The following PPP1R9A variants were observed in gnomAD, a reference collection of about 807,000 sequenced individuals.
PPP1R9A encodes the protein protein phosphatase 1 regulatory subunit 9A.
A neutral mutation model predicts 141.9 loss-of-function variants in PPP1R9A; 59 were observed. That is an observed-to-expected ratio of 0.42 (90% CI 0.34 to 0.52). PPP1R9A has a LOEUF of 0.52. Ranked by LOEUF, PPP1R9A falls within the 20% of genes least tolerant of loss-of-function variation. The pLI is 0.10. For missense variants in PPP1R9A, 1,444 were observed against 1,611.9 expected, an observed-to-expected ratio of 0.90 and a Z score of 1.78; for synonymous variants, 500 against 569.7, an observed-to-expected ratio of 0.88 and a Z score of 1.74.
At chr7:95,053,816 C>G (rs1417009706) in intron 2 of PPP1R9A, among the ~76,000 whole-genome samples, 1 of 152,118 alleles carries the variant, frequency 6.6e-6, no homozygotes, top group East Asian at 1.9e-4. Context: ...GGGCAGTAGG[C>G]AGTAGCTTGG....
intron 15 of PPP1R9A, 40 bp downstream of exon 15, chr7:95,274,026 A>G: frequency 1.3e-6 from 2 of 1,496,260 alleles, no homozygotes; most frequent in Non-Finnish European, 1.8e-6. Flanking sequence ...CCTCTGTAAA[A>G]GGAGGATTGA....
intron 2 of PPP1R9A, among the ~76,000 whole-genome samples, chr7:95,051,894 C>T (rs1322863244): frequency 6.7e-6 from 1 of 148,590 alleles, no homozygotes; most frequent in Non-Finnish European, 1.5e-5. Flanking sequence ...GGCTGCAGTG[C>T]AGTGGTGTGA....
At chr7:94,977,137 G>T (rs1385283752) in intron 2 of PPP1R9A, among the ~76,000 whole-genome samples, 1 of 152,128 alleles carries the variant, frequency 6.6e-6, no homozygotes, top group African/African-American at 2.4e-5. Context: ...CAAGGATATG[G>T]TTTTTACATA....
intron 7 of PPP1R9A, among the ~76,000 whole-genome samples, chr7:95,212,109 A>T (rs1309949356): frequency 2.0e-5 from 3 of 152,212 alleles, no homozygotes; most frequent in African/African-American, 7.2e-5. Flanking sequence ...ATATATTTAA[A>T]TGTATTTAAA....
rs145620825 is a variant in PPP1R9A at position 95,089,413 on chromosome 7, T to C, written c.1396-21846T>C. Reference sequence around the variant, plus strand: ...AGGTAGATATATCAAGAATACTCTGTATCTGGAATTTTTTTCTAACATAAG... The same window carrying C: ...AGGTAGATATATCAAGAATACTCTGCATCTGGAATTTTTTTCTAACATAAG... On this transcript the variant is annotated intron_variant, in intron 2 of 19. Coordinates refer to ENST00000433360, the MANE Select transcript of PPP1R9A (RefSeq NM_001166160.2). Among the ~76,000 whole-genome samples, 900 of 152,182 alleles carry C rather than the reference T, an allele frequency of 5.9e-3. 30 individuals are homozygous for C. Among genetic ancestry groups the C allele is most frequent in the East Asian group, 0.037 (194 of 5,184 alleles).
intron 2 of PPP1R9A, among the ~76,000 whole-genome samples, chr7:95,069,612 C>T (rs1043844792): frequency 3.3e-5 from 5 of 151,996 alleles, no homozygotes; most frequent in Non-Finnish European, 5.9e-5. Context: ...TTACTTGCTC[C>T]CCAGTCAGCT....
At chr7:95,238,693 CT>C (rs1240806894) in intron 8 of PPP1R9A, among the ~76,000 whole-genome samples, 1 of 152,182 alleles carries the variant, frequency 6.6e-6, no homozygotes, top group Non-Finnish European at 1.5e-5. Flanking sequence ...TGCACTGGCA[CT>C]TTCCCCCTCC....
chr7:95,169,129 A>G (rs1420798548), intron 5 of PPP1R9A, among the ~76,000 whole-genome samples: 1 of 152,110 alleles, frequency 6.6e-6, no homozygotes, highest in East Asian at 1.9e-4. Flanking sequence ...ATATGGAATC[A>G]ACCTACCTAA....
chr7:95,207,027 T>C (rs1383850618), intron 7 of PPP1R9A, among the ~76,000 whole-genome samples: 4 of 151,826 alleles, frequency 2.6e-5, no homozygotes, highest in Admixed American at 6.6e-5. Flanking sequence ...CAAATTATGA[T>C]CACAAGTAGC....
chr7:95,207,988 C>A (rs773940015), intron 7 of PPP1R9A, among the ~76,000 whole-genome samples: 2 of 152,088 alleles, frequency 1.3e-5, no homozygotes, highest in Non-Finnish European at 2.9e-5. Flanking sequence ...TTGGAAGATT[C>A]AGTAACTGTT....
intron 2 of PPP1R9A, among the ~76,000 whole-genome samples, chr7:94,915,942 T>G (rs1167129042): frequency 2.0e-5 from 3 of 152,244 alleles, no homozygotes; most frequent in African/African-American, 7.2e-5. Context: ...ATGACTGATA[T>G]GGAAGTAATG....
chr7:94,944,242 C>G (rs1795643106), intron 2 of PPP1R9A, among the ~76,000 whole-genome samples: 1 of 151,998 alleles, frequency 6.6e-6, no homozygotes, highest in African/African-American at 2.4e-5. Flanking sequence ...TGTCTGATGA[C>G]ACTTCCTCAT....
chr7:95,043,794 T>C (rs1012045724), intron 2 of PPP1R9A, among the ~76,000 whole-genome samples: 5 of 152,204 alleles, frequency 3.3e-5, no homozygotes, highest in African/African-American at 1.2e-4. Context: ...AATTCTAACA[T>C]CAAATTCCTC....
chr7:95,267,991 G>C (rs1394821339), intron 12 of PPP1R9A, among the ~76,000 whole-genome samples: 1 of 152,028 alleles, frequency 6.6e-6, no homozygotes, highest in African/African-American at 2.4e-5. Context: ...TCTTTCTACA[G>C]GTTTCAAAAA....
chr7:95,031,400 A>G (rs1807664928), intron 2 of PPP1R9A, among the ~76,000 whole-genome samples: 1 of 152,164 alleles, frequency 6.6e-6, no homozygotes, highest in South Asian at 2.1e-4. Flanking sequence ...TAAAGTGATA[A>G]TTTTAATTTA....
chr7:95,102,403 A>G (rs923022037), intron 2 of PPP1R9A, among the ~76,000 whole-genome samples: 10 of 152,198 alleles, frequency 6.6e-5, no homozygotes, highest in African/African-American at 2.2e-4. Context: ...ACACATAGTG[A>G]TAAGAATTTT....
intron 7 of PPP1R9A, among the ~76,000 whole-genome samples, chr7:95,223,344 G>A (rs1269184429): frequency 6.6e-6 from 1 of 152,076 alleles, no homozygotes; most frequent in South Asian, 2.1e-4. Flanking sequence ...ACAAAGTGCA[G>A]CTAAAAGGTA....
At position 95,292,482 on chromosome 7, in the gene PPP1R9A, T is replaced by C. The variant is rs934079602; in HGVS notation, c.*2179T>C. The C allele has an allele frequency of 1.6e-4, 25 of 152,634 alleles. No homozygotes were observed. The highest frequency in any genetic ancestry group is 1.5e-4 in the Non-Finnish European group (10 of 68,034). The allele number at this position is 152,634 out of a possible 1,614,324, so 9.5% of individuals were successfully genotyped here. A position where few individuals can be genotyped will look rare whatever the true frequency, so the allele number is the denominator to read the frequency against. ...CACTTTGGTAATATTTGAAAATGGATGTATATACTGGAAATGTCTGTAAGT... is the reference window on the plus strand; with the variant it reads ...CACTTTGGTAATATTTGAAAATGGACGTATATACTGGAAATGTCTGTAAGT... On this transcript the variant is annotated 3_prime_UTR_variant, in exon 20 of 20. Transcript: ENST00000433360.
chr7:95,203,645 T>A lies in PPP1R9A; in HGVS notation c.1891-20T>A. On this transcript the variant is annotated intron_variant, in intron 6 of 19. Transcript: ENST00000433360. ...GGTGGGGGTTAAGCCTTCTTTAATA[T>A]TTTTTGTCAACCATTTTAGAACACT... The A allele has an allele frequency of 6.5e-7, 1 of 1,529,472 alleles. No individual in the cohort carries two copies. Among genetic ancestry groups the A allele is most frequent in the Non-Finnish European group, 8.8e-7 (1 of 1,140,870 alleles). The allele number at this position is 1,529,472 out of a possible 1,614,324, so 94.7% of individuals were successfully genotyped here. A position where few individuals can be genotyped will look rare whatever the true frequency, so the allele number is the denominator to read the frequency against.
Sources: allele counts gnomAD v4.1 joint callset (sites outside exome capture counted in the v4.1 genomes callset), GRCh38; gene constraint gnomAD v4.1.1; transcripts MANE v1.5; gene names NCBI Gene and HGNC (gene_info 2026-07-23, HGNC 2026-07-21).